The following TGFBR3 variants were observed in gnomAD, a reference collection of about 807,000 sequenced individuals.
The protein encoded by TGFBR3 is transforming growth factor beta receptor 3, also known as transforming growth factor beta receptor type 3.
TGFBR3 carries 46 observed loss-of-function variants against 87.9 expected under a neutral mutation model. The observed-to-expected ratio is 0.52, with a 90% CI of 0.41 to 0.67. The LOEUF (loss-of-function observed/expected upper bound fraction) is 0.67, where lower values mean the gene tolerates loss of function less well. Ranked by LOEUF, TGFBR3 falls within the 30% of genes least tolerant of loss-of-function variation. The probability of loss-of-function intolerance (pLI) is 0.00; values close to 1 mark genes in which losing one functional copy is unlikely to be tolerated. For synonymous variants in TGFBR3, 381 were observed against 391.6 expected, an observed-to-expected ratio of 0.97 and a Z score of 0.32; for missense variants, 866 against 1,041.9, an observed-to-expected ratio of 0.83 and a Z score of 2.32.
chr1:91,736,766 CCA>C (rs1672980797), intron 4 of TGFBR3, among the ~76,000 whole-genome samples: 1 of 152,144 alleles, frequency 6.6e-6, no homozygotes, highest in Non-Finnish European at 1.5e-5. Context: ...TCACCAAAAC[CCA>C]CAACAGTCCA....
At chr1:91,854,647 G>A (rs1677870605) in intron 2 of TGFBR3, among the ~76,000 whole-genome samples, 1 of 152,180 alleles carries the variant, frequency 6.6e-6, no homozygotes, top group Non-Finnish European at 1.5e-5. Context: ...TTATGCATAT[G>A]TTAAAAAGCT....
At chr1:91,821,858 T>C (rs1319618359) in intron 2 of TGFBR3, among the ~76,000 whole-genome samples, 1 of 152,260 alleles carries the variant, frequency 6.6e-6, no homozygotes, top group Non-Finnish European at 1.5e-5. Context: ...ACATATTAAA[T>C]GGTCAATAAA....
rs1284084425 is a variant in TGFBR3 at position 91,695,789 on chromosome 1, A to G, written c.2330-10T>C. ...AGACCATGGAAAATTGCTATAAAGG[A>G]GAGAAACCGATACACACAACTTTTT... On this transcript the variant is annotated splice_polypyrimidine_tract_variant and intron_variant, in intron 15 of 16. Transcript: ENST00000212355. 3 of 1,612,088 alleles carry G rather than the reference A, an allele frequency of 1.9e-6. No individual in the cohort carries two copies. In the East Asian group the frequency reaches 6.7e-5, roughly 36 times the overall value.
chr1:91,806,179 A>T lies in TGFBR3; in HGVS notation c.62-8708T>A, dbSNP rs1675819636. ...CACTAATGCTTGCTTATCTGGACACATGGGAAACGTTCCTAAGATCTCGCT... is the reference window on the plus strand; with the variant it reads ...CACTAATGCTTGCTTATCTGGACACTTGGGAAACGTTCCTAAGATCTCGCT... On this transcript the variant is annotated intron_variant, in intron 2 of 16. Transcript: ENST00000212355. Among the ~76,000 whole-genome samples, 3 of 152,232 alleles carry T rather than the reference A, an allele frequency of 2.0e-5. No individual in the cohort carries two copies. The South Asian group carries it at 6.2e-4, about 31-fold the overall frequency.
rs189346097 is a variant in TGFBR3, at chr1:91,820,608, C to G, written c.62-23137G>C. On this transcript the variant is annotated intron_variant, in intron 2 of 16. Transcript: ENST00000212355. ...GGCTGAGGCAGGAGAATGGCGTGAA[C>G]CCAGGAGGCGGAGCTTGCAGTGAGC... is the stretch of plus-strand genomic sequence containing the variant. Among the ~76,000 whole-genome samples, 534 of 152,232 alleles carry G rather than the reference C, an allele frequency of 3.5e-3. 1 individual carries two copies. Among genetic ancestry groups the G allele is most frequent in the African/African-American group, 0.012 (486 of 41,556 alleles).
At chr1:91,743,634 T>C (rs1031216194) in intron 4 of TGFBR3, among the ~76,000 whole-genome samples, 3 of 152,242 alleles carry the variant, frequency 2.0e-5, no homozygotes, top group Non-Finnish European at 4.4e-5. Flanking sequence ...TTAGTGTGCA[T>C]TGTCCATGGG....
chr1:91,895,328 C>T (rs922245539), intron 2 of TGFBR3, among the ~76,000 whole-genome samples: 1 of 152,266 alleles, frequency 6.6e-6, no homozygotes, highest in South Asian at 2.1e-4. Context: ...CTCCTGCTTC[C>T]ACCATGTGAA....
In TGFBR3 at chr1:91,738,511, C is replaced by T. The variant is rs184014902; in HGVS notation, c.385-3552G>A. 3.3e-5 allele frequency among the ~76,000 whole-genome samples: 5 copies of T among 152,296 alleles called. No homozygotes were observed. The East Asian group carries it at 7.7e-4, about 24-fold the overall frequency. ...ATTTAAAAGTGTGTGGCACCTCCCC[C>T]GACACACGTTCTCTCTCTTGCTCCT... On this transcript the variant is annotated intron_variant, in intron 4 of 16. Coordinates refer to ENST00000212355, the MANE Select transcript of TGFBR3 (RefSeq NM_003243.5).
intron 5 of TGFBR3, among the ~76,000 whole-genome samples, chr1:91,730,560 T>C (rs1416460194): frequency 6.6e-6 from 1 of 152,200 alleles, no homozygotes; most frequent in African/African-American, 2.4e-5. Flanking sequence ...AAGCATCTCC[T>C]ATCTAAAAAT....
chr1:91,874,466 A>G (rs12127774), intron 1 of TGFBR3, among the ~76,000 whole-genome samples: 96,162 of 151,908 alleles, frequency 0.63, 30,678 homozygotes, highest in Middle Eastern at 0.75. Context: ...CACTGTAAGA[A>G]TTCTGGCTTT....
At chr1:91,802,251 T>G (rs1675657522) in intron 2 of TGFBR3, among the ~76,000 whole-genome samples, 1 of 152,088 alleles carries the variant, frequency 6.6e-6, no homozygotes, top group Admixed American at 6.6e-5. Flanking sequence ...CTTCCTGGAG[T>G]GCACTATCCT....
At chr1:91,686,952 G>T (rs907606330) in intron 16 of TGFBR3, among the ~76,000 whole-genome samples, 1 of 152,206 alleles carries the variant, frequency 6.6e-6, no homozygotes, top group Non-Finnish European at 1.5e-5. Context: ...CAGAGGAAAT[G>T]TACTCAGTCT....
intron 5 of TGFBR3, among the ~76,000 whole-genome samples, chr1:91,732,289 G>T (rs1672802879): frequency 6.6e-6 from 1 of 152,032 alleles, no homozygotes; most frequent in Non-Finnish European, 1.5e-5. Context: ...TTTCATTCTG[G>T]GTATATAGAT....
At chr1:91,768,608 C>T (rs935077973) in intron 3 of TGFBR3, among the ~76,000 whole-genome samples, 6 of 152,132 alleles carry the variant, frequency 3.9e-5, no homozygotes, top group Admixed American at 2.0e-4. Context: ...TGAGAGAGTT[C>T]TCACAAGATC....
intron 2 of TGFBR3, among the ~76,000 whole-genome samples, chr1:91,825,117 C>A (rs779098319): frequency 2.6e-5 from 4 of 152,212 alleles, no homozygotes; most frequent in African/African-American, 4.8e-5. Context: ...TGACTCTGGC[C>A]TTGGCCAAAG....
intron 3 of TGFBR3, among the ~76,000 whole-genome samples, chr1:91,790,967 T>C (rs1399885650): frequency 1.3e-5 from 2 of 152,120 alleles, no homozygotes; most frequent in Admixed American, 1.3e-4. Context: ...AGAAAAGGTG[T>C]TCGTGTATTA....
chr1:91,800,228 CAAAAA>C (rs148518308), intron 2 of TGFBR3, among the ~76,000 whole-genome samples: 31,180 of 114,330 alleles, frequency 0.27, 4,691 homozygotes, highest in Middle Eastern at 0.38. Flanking sequence ...CCCATCTCTA[CAAAAA>C]AAAAAAAAAT....
At position 91,716,222 on chromosome 1, in the gene TGFBR3, C is replaced by T. The variant is rs1228930023; in HGVS notation, c.1866+14G>A. 2 of 1,614,016 alleles carry T rather than the reference C, an allele frequency of 1.2e-6. No homozygotes were observed. Among genetic ancestry groups the T allele is most frequent in the South Asian group, 1.1e-5 (1 of 91,076 alleles). On this transcript the variant is annotated intron_variant, in intron 12 of 16. Coordinates refer to ENST00000212355, the MANE Select transcript of TGFBR3 (RefSeq NM_003243.5). ...CACTAACCTAAAAGGTCAAGGCTAA[C>T]TTTCAGGTCTCACCTCAACATAAAC... is the stretch of plus-strand genomic sequence containing the variant.
Position 91,744,386 on chromosome 1 carries a change from A to C in TGFBR3, c.385-9427T>G, listed in dbSNP as rs566341405. 1.1e-3 allele frequency among the ~76,000 whole-genome samples: 168 copies of C among 152,198 alleles called. 1 individual carries two copies. Among genetic ancestry groups the C allele is most frequent in the Admixed American group, 3.0e-3 (46 of 15,284 alleles). On this transcript the variant is annotated intron_variant, in intron 4 of 16. Coordinates refer to ENST00000212355, the MANE Select transcript of TGFBR3 (RefSeq NM_003243.5). The stretch of plus-strand genomic sequence containing the variant: ...CAGGCACGAGGAGCCATGCCCAGCC[A>C]CTCAGCCTTCTTTTACTTTTTAAAT...
Sources: gnomAD v4.1 joint callset for allele counts (sites outside exome capture counted in the v4.1 genomes callset) on GRCh38, gnomAD v4.1.1 for gene constraint, MANE v1.5 for transcripts, NCBI Gene and HGNC (gene_info 2026-07-23, HGNC 2026-07-21) for gene names.